Variants in CIP2A observed in about 807,000 individuals in gnomAD.
CIP2A encodes the protein protein CIP2A.
In CIP2A, 103 loss-of-function variants were observed where a neutral mutation model predicts 110.9. The ratio of observed to expected loss-of-function variants is 0.93; its 90% CI spans 0.79 to 1.09. CIP2A has a LOEUF of 1.09. Among genes scored for constraint, CIP2A ranks in the 50% least tolerant of loss-of-function variants. CIP2A has a pLI of 0.00. For missense variants in CIP2A, 1,088 were observed against 1,038.4 expected, an observed-to-expected ratio of 1.05 and a Z score of -0.66; for synonymous variants, 381 against 361.6, an observed-to-expected ratio of 1.05 and a Z score of -0.61.
intron 8 of CIP2A, among the ~76,000 whole-genome samples, chr3:108,570,922 A>C (rs1032614858): frequency 6.6e-6 from 1 of 152,176 alleles, no homozygotes; most frequent in Non-Finnish European, 1.5e-5. Flanking sequence ...ACAGCTATAC[A>C]AAAATACTTT....
intron 10 of CIP2A, 100 bp from the exon 11 acceptor site, chr3:108,566,738 C>A: frequency 1.4e-6 from 1 of 691,884 alleles, no homozygotes; most frequent in African/African-American, 1.9e-5. Context: ...CACTGTCATC[C>A]AGTATAATTA....
chr3:108,562,412 TTGCTGA>T (rs1938036076), intron 13 of CIP2A, among the ~76,000 whole-genome samples: 1 of 152,158 alleles, frequency 6.6e-6, no homozygotes, highest in Non-Finnish European at 1.5e-5. Flanking sequence ...ACTGGCCAGT[TTGCTGA>T]TCCCGGTATA....
chr3:108,566,490 T>C lies in CIP2A; in HGVS notation c.1415+7A>G. 4 of 1,602,478 alleles carry C rather than the reference T, an allele frequency of 2.5e-6. No individual in the cohort carries two copies. The highest frequency in any genetic ancestry group is 3.4e-6 in the Non-Finnish European group (4 of 1,174,772). On this transcript the variant is annotated splice_region_variant and intron_variant, in intron 11 of 20. Coordinates refer to ENST00000295746, the MANE Select transcript of CIP2A (RefSeq NM_020890.3). ...TGCCATTTTGTCATTAGAGTTTATA[T>C]ACTCACCATAATTCAGAATCTGCAA...
Position 108,566,254 on chromosome 3 carries a change from T to G in CIP2A, c.1415+243A>C, listed in dbSNP as rs374890727. Among the ~76,000 whole-genome samples the G allele has an allele frequency of 1.1e-4, 16 of 151,842 alleles. 1 individual carries two copies. Among genetic ancestry groups the G allele is most frequent in the Admixed American group, 6.6e-4 (10 of 15,210 alleles). ...GTTCAGAACCCTTAGATAATTATAG[T>G]AAGTTAAAACAAGACAAAACAAACC... is the stretch of plus-strand genomic sequence containing the variant. On this transcript the variant is annotated intron_variant, in intron 11 of 20. Transcript: ENST00000295746.
chr3:108,563,193 C>G lies in CIP2A; in HGVS notation c.1567G>C (p.Glu523Gln). 2 of 1,612,876 alleles carry G rather than the reference C, an allele frequency of 1.2e-6. No individual in the cohort carries two copies. Among genetic ancestry groups the G allele is most frequent in the Non-Finnish European group, 1.7e-6 (2 of 1,179,152 alleles). ...ATTCTCAGTCCAGACTGTACTTGTT[C>G]TCTATTATCTGACGTTAAAGCAAAA... ...LAFALTSDNR[E>Q]QVQSGLRILL... Residue 523 changes from glutamate (E) to glutamine (Q), a missense_variant, in exon 13 of 21, where the codon GAA becomes CAA. By Grantham distance (29) the Glu-to-Gln change is conservative. Transcript: ENST00000295746.
chr3:108,589,434 C>A lies in CIP2A; in HGVS notation c.-59G>T. Reference sequence around the variant, plus strand: ...CCGCCCAGCGTGCGCCGGCCTTTAGCTTTCGCCGCGCTTTTTTTGATTTTC... The same window carrying A: ...CCGCCCAGCGTGCGCCGGCCTTTAGATTTCGCCGCGCTTTTTTTGATTTTC... On this transcript the variant is annotated 5_prime_UTR_variant, in exon 1 of 21. Transcript: ENST00000295746. The A allele has an allele frequency of 1.6e-6, 2 of 1,264,462 alleles. No homozygotes were observed. Among genetic ancestry groups the A allele is most frequent in the Non-Finnish European group, 1.1e-6 (1 of 889,064 alleles). The allele number at this position is 1,264,462 out of a possible 1,614,324, so 78.3% of individuals were successfully genotyped here. A position where few individuals can be genotyped will look rare whatever the true frequency, so the allele number is the denominator to read the frequency against.
chr3:108,551,500 T>C (rs1576294547), intron 20 of CIP2A, among the ~76,000 whole-genome samples, 181 bp from the exon 21 acceptor site: 1 of 152,144 alleles, frequency 6.6e-6, no homozygotes, highest in African/African-American at 2.4e-5. Context: ...TGAATAATCA[T>C]TAAACAATAT....
At chr3:108,551,387 C>A in intron 20 of CIP2A, 68 bp from the exon 21 acceptor site, 1 of 1,151,066 alleles carries the variant, frequency 8.7e-7, no homozygotes, top group Non-Finnish European at 1.2e-6. Flanking sequence ...TTTCTCTATA[C>A]ATATATTTTA....
In CIP2A at chr3:108,563,164, T is replaced by C; in HGVS notation, c.1596A>G (p.Leu532=). 1 of 1,612,740 alleles carries C rather than the reference T, an allele frequency of 6.2e-7. No individual in the cohort carries two copies. The highest frequency in any genetic ancestry group is 1.7e-4 in the Middle Eastern group (1 of 6,048). Residue 532 remains leucine, a synonymous_variant, in exon 13 of 21, where the codon TTA becomes TTG. Coordinates refer to ENST00000295746, the MANE Select transcript of CIP2A (RefSeq NM_020890.3). ...AATCTGGCAGTGGAGCAGCCTCCAA[T>C]AATATTCTCAGTCCAGACTGTACTT... The part of the protein sequence containing the change: ...REQVQSGLRI[L]LEAAPLPDFP...
chr3:108,560,847 TG>T lies in CIP2A; in HGVS notation c.1635-7del. The T allele has an allele frequency of 6.5e-7, 1 of 1,527,818 alleles. No homozygotes were observed. Among genetic ancestry groups the T allele is most frequent in the East Asian group, 2.3e-5 (1 of 42,600 alleles). The allele number at this position is 1,527,818 out of a possible 1,614,324, so 94.6% of individuals were successfully genotyped here. A position where few individuals can be genotyped will look rare whatever the true frequency, so the allele number is the denominator to read the frequency against. On this transcript the variant is annotated splice_polypyrimidine_tract_variant and splice_region_variant and intron_variant, in intron 13 of 20. Coordinates refer to ENST00000295746, the MANE Select transcript of CIP2A (RefSeq NM_020890.3). Reference sequence around the variant, plus strand: ...CTGCTATACTTTCTCCAAGTCTGAATGGGAGTCAAAGAAAGGAAAAAAAAAT... The same window carrying T: ...CTGCTATACTTTCTCCAAGTCTGAATGGAGTCAAAGAAAGGAAAAAAAAAT...
chr3:108,552,473 G>C, intron 19 of CIP2A, 100 bp from the exon 20 acceptor site: 2 of 626,460 alleles, frequency 3.2e-6, no homozygotes, highest in Non-Finnish European at 5.0e-6. Flanking sequence ...GAAATAACTA[G>C]AACAAGGAAG....
intron 16 of CIP2A, 69 bp from the exon 17 acceptor site, chr3:108,557,483 T>G (rs1417730098): frequency 8.5e-7 from 1 of 1,171,884 alleles, no homozygotes; most frequent in African/African-American, 1.5e-5. Context: ...ATACCTACAA[T>G]TTAAAAGTTT....
At chr3:108,584,859 C>T in intron 2 of CIP2A, 1 of 405,360 alleles carries the variant, frequency 2.5e-6, no homozygotes, top group Non-Finnish European at 4.3e-6. Flanking sequence ...CCCTTTAGTT[C>T]TAAATTCAGT....
rs998736332 is a variant in CIP2A at position 108,589,372 on chromosome 3, C to G, written c.4G>C (p.Asp2His). The change falls in exon 1 of 21, where the codon GAC (aspartate) becomes CAC (histidine). Residue 2 changes from aspartate to histidine, a missense_variant. Asp to His is a moderately conservative substitution (Grantham distance 81). Coordinates refer to ENST00000295746, the MANE Select transcript of CIP2A (RefSeq NM_020890.3). Reference sequence around the variant, plus strand: ...AAGGACTTCAAGCAGGCAGTGGAGTCCATTGCACCGGCCGCGGCCCGGCTT... The same window carrying G: ...AAGGACTTCAAGCAGGCAGTGGAGTGCATTGCACCGGCCGCGGCCCGGCTT... M[D>H]STACLKSLLL... 1 of 1,611,914 alleles carries G rather than the reference C, an allele frequency of 6.2e-7. No homozygotes were observed. The highest frequency in any genetic ancestry group is 1.7e-5 in the Admixed American group (1 of 59,816).
Position 108,549,984 on chromosome 3 carries a change from A to G in CIP2A, c.*1165T>C, listed in dbSNP as rs2083875453. On this transcript the variant is annotated 3_prime_UTR_variant, in exon 21 of 21. Coordinates refer to ENST00000295746, the MANE Select transcript of CIP2A (RefSeq NM_020890.3). ...AGAATGTATCTCCTCTATAGAACAA[A>G]TAGTAATTTAAAATGTTTTACTCTG... The G allele has an allele frequency of 1.3e-5, 2 of 152,042 alleles. No individual in the cohort carries two copies. The highest frequency in any genetic ancestry group is 2.9e-5 in the Non-Finnish European group (2 of 67,930). The allele number at this position is 152,042 out of a possible 1,614,324, so 9.4% of individuals were successfully genotyped here. A position where few individuals can be genotyped will look rare whatever the true frequency, so the allele number is the denominator to read the frequency against.
rs2083880050 is a variant in CIP2A at position 108,550,240 on chromosome 3, C to G, written c.*909G>C. 6.6e-6 allele frequency: 1 copy of G among 151,266 alleles called. No homozygotes were observed. The highest frequency in any genetic ancestry group is 1.5e-5 in the Non-Finnish European group (1 of 67,612). 9.4% of individuals were successfully genotyped at this position (151,266 alleles called of 1,614,324 possible). A position where few individuals can be genotyped will look rare whatever the true frequency, so the allele number is the denominator to read the frequency against. ...TTTAAAAAAAATAAAGATATTTAAC[C>G]TATGCTTTAAAATTAAATGAACCAA... On this transcript the variant is annotated 3_prime_UTR_variant, in exon 21 of 21. Coordinates refer to ENST00000295746, the MANE Select transcript of CIP2A (RefSeq NM_020890.3).
At chr3:108,576,683 A>G (rs148822329) in intron 7 of CIP2A, among the ~76,000 whole-genome samples, 1 of 152,304 alleles carries the variant, frequency 6.6e-6, no homozygotes, top group East Asian at 1.9e-4. Context: ...CTTTGTAAAA[A>G]TTCAAAGGAC....
chr3:108,582,717 C>T (rs1392429710), intron 3 of CIP2A, among the ~76,000 whole-genome samples: 1 of 152,172 alleles, frequency 6.6e-6, no homozygotes, highest in Non-Finnish European at 1.5e-5. Flanking sequence ...AAAACACAGA[C>T]ATCTGTGTTT....
At chr3:108,581,623 T>C in intron 4 of CIP2A, 112 bp from the exon 5 acceptor site, 1 of 635,572 alleles carries the variant, frequency 1.6e-6, no homozygotes, top group Non-Finnish European at 2.7e-6. Context: ...TCAATTCCCT[T>C]TTACACGCAA....
Sources: gnomAD v4.1 joint callset for allele counts (sites outside exome capture counted in the v4.1 genomes callset) on GRCh38, gnomAD v4.1.1 for gene constraint, MANE v1.5 for transcripts, NCBI Gene and HGNC (gene_info 2026-07-23, HGNC 2026-07-21) for gene names.